The following GPHN variants were observed in gnomAD, a reference collection of about 807,000 sequenced individuals.
GPHN encodes gephyrin.
In GPHN, 17 loss-of-function variants were observed where a neutral mutation model predicts 95.5. That is an observed-to-expected ratio of 0.18 (90% CI 0.12 to 0.27). The LOEUF (loss-of-function observed/expected upper bound fraction) is 0.27. GPHN is among the 10% of genes least tolerant of loss of function. GPHN has a pLI of 1.00. For missense variants in GPHN, 660 were observed against 978.1 expected, an observed-to-expected ratio of 0.67 and a Z score of 4.34; for synonymous variants, 320 against 322.5, an observed-to-expected ratio of 0.99 and a Z score of 0.08.
chr14:66,681,301 A>G lies in GPHN; in HGVS notation c.143+116A>G, dbSNP rs576895661. 65 of 703,912 alleles carry G rather than the reference A, an allele frequency of 9.2e-5. No homozygotes were observed. In the South Asian group the frequency reaches 1.0e-3, roughly 11 times the overall value. The allele number at this position is 703,912 out of a possible 1,614,324, so 43.6% of individuals were successfully genotyped here. On this transcript the variant is annotated intron_variant, in intron 2 of 22. Transcript: ENST00000478722. ...AAGGTACAACAATTTTTTCTTTTCTAATAATGCGTTTTACACATATTGAAG... is the reference window on the plus strand; with the variant it reads ...AAGGTACAACAATTTTTTCTTTTCTGATAATGCGTTTTACACATATTGAAG...
the GPHN span, chr14:67,321,293 T>G: frequency 1.2e-6 from 2 of 1,601,706 alleles, no homozygotes; most frequent in East Asian, 4.5e-5. Flanking sequence ...GGTTTGAACT[T>G]AGAAGGAATG....
intron 12 of GPHN, among the ~76,000 whole-genome samples, chr14:67,090,722 G>C (rs2077113297): frequency 1.3e-5 from 2 of 151,926 alleles, no homozygotes; most frequent in Admixed American, 1.3e-4. Flanking sequence ...TTATGTTGGA[G>C]ATAGCATAGC....
At chr14:66,825,584 C>A (rs1043762572) in intron 4 of GPHN, among the ~76,000 whole-genome samples, 48 of 151,974 alleles carry the variant, frequency 3.2e-4, no homozygotes, top group African/African-American at 1.2e-3. Context: ...TCTAACAAGG[C>A]CCCAGGTGAT....
At chr14:67,655,258 T>C in the GPHN span, among the ~76,000 whole-genome samples, 78 of 151,296 alleles carry the variant, frequency 5.2e-4, no homozygotes, top group African/African-American at 1.8e-3. Context: ...GCCCAGGAGT[T>C]TGAAGCTACA....
chr14:66,886,118 A>C (rs2064175288), intron 5 of GPHN, among the ~76,000 whole-genome samples: 1 of 152,178 alleles, frequency 6.6e-6, no homozygotes, highest in South Asian at 2.1e-4. Context: ...AAGCAAAAGT[A>C]AATATCAATA....
chr14:66,853,305 G>A (rs1254802253), intron 4 of GPHN, among the ~76,000 whole-genome samples: 1 of 152,032 alleles, frequency 6.6e-6, no homozygotes, highest in Non-Finnish European at 1.5e-5. Context: ...GAAGAAATAT[G>A]GATTCCTTTT....
chr14:67,192,205 G>GA, the GPHN span, among the ~76,000 whole-genome samples: 1 of 152,160 alleles, frequency 6.6e-6, no homozygotes, highest in African/African-American at 2.4e-5. Flanking sequence ...AACATTGTTG[G>GA]AAAAATATAA....
chr14:66,791,159 T>C (rs144710761), intron 3 of GPHN, among the ~76,000 whole-genome samples: 1,794 of 152,272 alleles, frequency 0.012, 18 homozygotes, highest in Non-Finnish European at 0.018. Flanking sequence ...CTTTCCCAAG[T>C]TGGGACTCAA....
chr14:67,382,502 C>G, the GPHN span: 2 of 1,613,574 alleles, frequency 1.2e-6, no homozygotes. Flanking sequence ...CTGGAGAGAA[C>G]AGAAGGCCTT....
chr14:66,891,591 T>G (rs1021550280), intron 5 of GPHN, among the ~76,000 whole-genome samples: 1 of 152,108 alleles, frequency 6.6e-6, no homozygotes, highest in Non-Finnish European at 1.5e-5. Flanking sequence ...TGGCAGTCAT[T>G]TCTTGGATAT....
At position 66,845,868 on chromosome 14, in the gene GPHN, C is replaced by T. The variant is rs182166429; in HGVS notation, c.294+21302C>T. On this transcript the variant is annotated intron_variant, in intron 4 of 22. Coordinates refer to ENST00000478722, the MANE Select transcript of GPHN (RefSeq NM_020806.5). ...GTGTGTGTGTGTGTGTGTCTGTGTG[C>T]GTGCGCACACGTGAACGTGTGTCTG... Among the ~76,000 whole-genome samples, 331 of 139,372 alleles carry T rather than the reference C, an allele frequency of 2.4e-3. 1 individual carries two copies. The highest frequency in any genetic ancestry group is 0.019 in the South Asian group (86 of 4,544). 91.4% of individuals were successfully genotyped at this position (139,372 alleles called of 152,430 possible).
chr14:67,735,325 CA>C, the GPHN span: 1 of 792,028 alleles, frequency 1.3e-6, no homozygotes, highest in Non-Finnish European at 2.3e-6. Flanking sequence ...CGCCCGACAC[CA>C]AAAGGACCAT....
intron 21 of GPHN, among the ~76,000 whole-genome samples, chr14:67,174,214 C>T (rs2082770014): frequency 6.6e-6 from 1 of 151,332 alleles, no homozygotes; most frequent in African/African-American, 2.4e-5. Context: ...TAATGCTATT[C>T]CTCCCCCAGC....
At chr14:67,435,423 G>C in the GPHN span, among the ~76,000 whole-genome samples, 1 of 152,128 alleles carries the variant, frequency 6.6e-6, no homozygotes, top group Non-Finnish European at 1.5e-5. Flanking sequence ...TGCCACATTG[G>C]GGATTAAGTT....
Position 66,610,797 on chromosome 14 carries a change from G to A in GPHN, c.65-70310G>A, listed in dbSNP as rs561729765. 2.6e-5 allele frequency among the ~76,000 whole-genome samples: 4 copies of A among 152,266 alleles called. No individual in the cohort carries two copies. In the East Asian group the frequency reaches 7.7e-4, roughly 29 times the overall value. ...TATAGCCAATGAGAAGGGATGGAGA[G>A]TTAGTAGATAGAAAATTACTAAAAG... On this transcript the variant is annotated intron_variant, in intron 1 of 22. Transcript: ENST00000478722.
intron 20 of GPHN, 33 bp downstream of exon 20, chr14:67,165,259 CT>C (rs1389622768): frequency 3.9e-6 from 6 of 1,523,438 alleles, no homozygotes; most frequent in Non-Finnish European, 5.5e-6. Flanking sequence ...TTTCCTTTTT[CT>C]GGAAAAATAG....
intron 1 of GPHN, among the ~76,000 whole-genome samples, chr14:66,561,105 A>G (rs866649395): frequency 2.1e-4 from 32 of 152,038 alleles, no homozygotes; most frequent in Admixed American, 1.4e-3. Context: ...CTTGATCATG[A>G]TGGATAAGCT....
At chr14:67,711,911 G>C in the GPHN span, among the ~76,000 whole-genome samples, 22 of 152,244 alleles carry the variant, frequency 1.4e-4, no homozygotes, top group East Asian at 4.3e-3. Flanking sequence ...ATTTTATTTA[G>C]ATAGGGACTA....
intron 1 of GPHN, among the ~76,000 whole-genome samples, chr14:66,668,220 G>A (rs1285762518): frequency 6.6e-6 from 1 of 152,206 alleles, no homozygotes; most frequent in Non-Finnish European, 1.5e-5. Flanking sequence ...GGAAGACAGT[G>A]TGGCAATTCC....
Sources: gnomAD v4.1 joint callset for allele counts (sites outside exome capture counted in the v4.1 genomes callset) on GRCh38, gnomAD v4.1.1 for gene constraint, MANE v1.5 for transcripts, NCBI Gene and HGNC (gene_info 2026-07-23, HGNC 2026-07-21) for gene names.